HS6ST2: variants seen among roughly 807,000 people sequenced by gnomAD.
HS6ST2 encodes heparan sulfate 6-O-sulfotransferase 2.
Under a neutral mutation model 33.0 loss-of-function variants are expected in HS6ST2, and 17 were observed. The observed-to-expected ratio is 0.52, with a 90% CI of 0.35 to 0.77. The LOEUF (loss-of-function observed/expected upper bound fraction) is 0.77. Among genes scored for constraint, HS6ST2 ranks in the 30% least tolerant of loss-of-function variants. The pLI, the probability that HS6ST2 is intolerant of heterozygous loss-of-function variation, is 0.01. For synonymous variants in HS6ST2, 248 were observed against 237.1 expected, an observed-to-expected ratio of 1.05 and a Z score of -0.42; for missense variants, 519 against 551.7, an observed-to-expected ratio of 0.94 and a Z score of 0.59.
intron 3 of HS6ST2, among the ~76,000 whole-genome samples, chrX:132,671,669 TA>T (rs1359215122): frequency 9.1e-6 from 1 of 109,772 alleles, no homozygotes; most frequent in Non-Finnish European, 1.9e-5. Flanking sequence ...AGTAATCCTT[TA>T]AAAGATAGGA....
chrX:132,908,991 G>GAAAAAA (rs397975321), intron 2 of HS6ST2, among the ~76,000 whole-genome samples: 1 of 40,849 alleles, frequency 2.4e-5, no homozygotes, highest in Non-Finnish European at 4.5e-5. Flanking sequence ...GAACTCCACT[G>GAAAAAA]AAAAAAAAAA....
At chrX:132,654,547 C>G (rs1390208221) in intron 4 of HS6ST2, among the ~76,000 whole-genome samples, 1 of 111,827 alleles carries the variant, frequency 8.9e-6, no homozygotes, top group African/African-American at 3.2e-5. Flanking sequence ...AAAATAAGCT[C>G]AAGAATCTTT....
chrX:132,777,598 ATT>A (rs34555257), intron 2 of HS6ST2, among the ~76,000 whole-genome samples: 126 of 80,003 alleles, frequency 1.6e-3, no homozygotes, highest in Admixed American at 2.0e-3. Context: ...CACCCGGCTA[ATT>A]TTTTTTTTTT....
intron 3 of HS6ST2, among the ~76,000 whole-genome samples, chrX:132,674,622 G>A (rs769793171): frequency 1.2e-4 from 13 of 111,951 alleles, no homozygotes; most frequent in Admixed American, 1.0e-3. Context: ...TGACAGTCAC[G>A]TCCCTGAATG....
rs1295601986 is a variant in HS6ST2 at position 132,672,906 on chromosome X, G to T, written c.981-3707C>A. On this transcript the variant is annotated intron_variant, in intron 3 of 4. Coordinates refer to ENST00000370833, the MANE Select transcript of HS6ST2 (RefSeq NM_001394073.1). ...ATCTGAGTTTTGCTGTTTGGTCAAA[G>T]CTAATTGTGGGAGAAGAACCCTGTG... 5.4e-5 allele frequency among the ~76,000 whole-genome samples: 6 copies of T among 111,903 alleles called. No homozygotes were observed. In the East Asian group the frequency reaches 1.1e-3, roughly 21 times the overall value.
intron 2 of HS6ST2, among the ~76,000 whole-genome samples, chrX:132,720,177 G>T (rs1205994743): frequency 8.9e-6 from 1 of 112,517 alleles, no homozygotes; most frequent in African/African-American, 3.2e-5. Flanking sequence ...GTAGGAAGAA[G>T]AATTCAGAAC....
chrX:132,736,134 C>T (rs971161595), intron 2 of HS6ST2, among the ~76,000 whole-genome samples: 4 of 111,390 alleles, frequency 3.6e-5, no homozygotes, highest in East Asian at 2.8e-4. Flanking sequence ...TGTGAGCTAC[C>T]GTGCCCGGAC....
At chrX:132,715,374 T>G (rs1168508305) in intron 2 of HS6ST2, among the ~76,000 whole-genome samples, 1 of 112,276 alleles carries the variant, frequency 8.9e-6, no homozygotes, top group African/African-American at 3.2e-5. Flanking sequence ...AGTTCAAGGC[T>G]GCAGTGAGCC....
At chrX:132,895,938 T>C (rs952313150) in intron 2 of HS6ST2, among the ~76,000 whole-genome samples, 6 of 111,435 alleles carry the variant, frequency 5.4e-5, no homozygotes, top group African/African-American at 2.0e-4. Context: ...ACCAGGCAGA[T>C]CTTCATATTA....
At chrX:132,637,850 AAT>A (rs1491450916) in intron 4 of HS6ST2, among the ~76,000 whole-genome samples, 37 of 41,396 alleles carry the variant, frequency 8.9e-4, no homozygotes, top group East Asian at 2.7e-3. Context: ...TTTTATATAT[AAT>A]ATATATATAA....
intron 4 of HS6ST2, among the ~76,000 whole-genome samples, chrX:132,648,594 T>C (rs2063665406): frequency 9.1e-6 from 1 of 110,280 alleles, no homozygotes; most frequent in Non-Finnish European, 1.9e-5. Context: ...GTTTAAATTG[T>C]AGGCAGATGT....
chrX:132,706,691 C>G (rs1472614107), intron 3 of HS6ST2, among the ~76,000 whole-genome samples: 1 of 112,099 alleles, frequency 8.9e-6, no homozygotes, highest in Admixed American at 9.5e-5. Flanking sequence ...TAAAAAATAG[C>G]AAGTACTTAT....
intron 2 of HS6ST2, among the ~76,000 whole-genome samples, chrX:132,906,565 G>A (rs1429062692): frequency 8.9e-6 from 1 of 111,796 alleles, no homozygotes; most frequent in Non-Finnish European, 1.9e-5. Context: ...AGTGTTAGAG[G>A]TGGGGCCTGA....
rs751581496 is a variant in HS6ST2 at position 132,751,803 on chromosome X, T to C, written c.948-43309A>G. ...CAAAGCTGGCAGGCCTCCTGCAACA[T>C]GTCTCCAGAGTTATTCCTGGGTCTG... On this transcript the variant is annotated intron_variant, in intron 2 of 4. Coordinates refer to ENST00000370833, the MANE Select transcript of HS6ST2 (RefSeq NM_001394073.1). Among the ~76,000 whole-genome samples the C allele has an allele frequency of 4.4e-5, 5 of 112,679 alleles. No individual in the cohort carries two copies. In the South Asian group the frequency reaches 1.8e-3, roughly 41 times the overall value.
chrX:132,728,825 GAAAT>G (rs1215516630), intron 2 of HS6ST2, among the ~76,000 whole-genome samples: 1 of 112,201 alleles, frequency 8.9e-6, no homozygotes, highest in African/African-American at 3.2e-5. Flanking sequence ...ATAAATCTAG[GAAAT>G]AAATAATGAT....
At chrX:132,730,352 T>C (rs1370864148) in intron 2 of HS6ST2, among the ~76,000 whole-genome samples, 1 of 111,684 alleles carries the variant, frequency 9.0e-6, no homozygotes, top group Non-Finnish European at 1.9e-5. Flanking sequence ...CCTGTAATGC[T>C]CCATGTTTGC....
chrX:132,929,858 G>T (rs1264275166), intron 2 of HS6ST2, among the ~76,000 whole-genome samples: 1 of 111,956 alleles, frequency 8.9e-6, no homozygotes, highest in Non-Finnish European at 1.9e-5. Flanking sequence ...ACCAAATTAA[G>T]CAAACAGGAC....
intron 4 of HS6ST2, among the ~76,000 whole-genome samples, chrX:132,661,662 GCTT>G (rs1276751495): frequency 8.9e-6 from 1 of 112,099 alleles, no homozygotes; most frequent in Non-Finnish European, 1.9e-5. Flanking sequence ...ATCCCAGCAG[GCTT>G]CTTTTTTCTT....
At chrX:132,674,870 T>C (rs1200447477) in intron 3 of HS6ST2, among the ~76,000 whole-genome samples, 1 of 111,421 alleles carries the variant, frequency 9.0e-6, no homozygotes, top group African/African-American at 3.3e-5. Flanking sequence ...AGTTATGGAA[T>C]TGGATGGTTT....
Sources: gnomAD v4.1 joint callset for allele counts (sites outside exome capture counted in the v4.1 genomes callset) on GRCh38, gnomAD v4.1.1 for gene constraint, MANE v1.5 for transcripts, NCBI Gene and HGNC (gene_info 2026-07-23, HGNC 2026-07-21) for gene names.